Variants in GK5 observed in about 807,000 individuals in gnomAD.
The protein encoded by GK5 is ATP:glycerol 3-phosphotransferase 5.
Under a neutral mutation model 77.3 loss-of-function variants are expected in GK5, and 39 were observed. That is an observed-to-expected ratio of 0.50 (90% CI 0.39 to 0.66). The LOEUF (loss-of-function observed/expected upper bound fraction) is 0.66, where lower values mean the gene tolerates loss of function less well. GK5 is among the 30% of genes least tolerant of loss of function. The pLI is 0.00. For synonymous variants in GK5, 211 were observed against 208.0 expected, an observed-to-expected ratio of 1.01 and a Z score of -0.13; for missense variants, 487 against 633.8, an observed-to-expected ratio of 0.77 and a Z score of 2.49.
intron 15 of GK5, among the ~76,000 whole-genome samples, chr3:142,168,586 C>CT (rs1224042632): frequency 1.3e-5 from 2 of 152,098 alleles, no homozygotes; most frequent in African/African-American, 2.4e-5. Context: ...TTAAAATACT[C>CT]TGAGTATCCT....
intron 3 of GK5, among the ~76,000 whole-genome samples, chr3:142,211,898 C>T (rs774640224): frequency 5.9e-5 from 9 of 152,200 alleles, no homozygotes; most frequent in Admixed American, 1.3e-4. Flanking sequence ...CACATTCACA[C>T]GTCCAAAACC....
chr3:142,192,851 A>G (rs1261263182), intron 5 of GK5, among the ~76,000 whole-genome samples: 2 of 152,186 alleles, frequency 1.3e-5, no homozygotes, highest in African/African-American at 4.8e-5. Context: ...ATGAGCTAAC[A>G]AGGCACAAAA....
intron 15 of GK5, among the ~76,000 whole-genome samples, 154 bp from the exon 16 acceptor site, chr3:142,165,924 C>G (rs913871082): frequency 6.6e-6 from 1 of 152,158 alleles, no homozygotes; most frequent in African/African-American, 2.4e-5. Flanking sequence ...TTTGTTAGAT[C>G]GATCATTCCT....
chr3:142,192,564 G>C (rs7349530), intron 5 of GK5, among the ~76,000 whole-genome samples: 7,940 of 152,202 alleles, frequency 0.052, 397 homozygotes, highest in African/African-American at 0.13. Context: ...GGGAGGTCGA[G>C]AGCAGCCTGG....
chr3:142,177,857 CTTTTTTTT>C (rs370889965), intron 11 of GK5, among the ~76,000 whole-genome samples: 3 of 128,204 alleles, frequency 2.3e-5, no homozygotes, highest in East Asian at 4.5e-4. Flanking sequence ...CGTTTTTTTT[CTTTTTTTT>C]TTTTTTTTTT....
chr3:142,211,628 T>C (rs2064189380), intron 3 of GK5, among the ~76,000 whole-genome samples: 1 of 152,116 alleles, frequency 6.6e-6, no homozygotes, highest in Non-Finnish European at 1.5e-5. Flanking sequence ...TCCATCTCTA[T>C]AAAAATTTTA....
At chr3:142,173,567 C>T (rs1187778881) in intron 12 of GK5, among the ~76,000 whole-genome samples, 1 of 151,948 alleles carries the variant, frequency 6.6e-6, no homozygotes, top group Non-Finnish European at 1.5e-5. Context: ...GCCTGTAGTC[C>T]CAGCTGCTCG....
At chr3:142,190,881 G>C (rs2063838688) in intron 5 of GK5, among the ~76,000 whole-genome samples, 1 of 151,994 alleles carries the variant, frequency 6.6e-6, no homozygotes, top group East Asian at 1.9e-4. Context: ...AAAAAATCTA[G>C]TCATTTGCAA....
chr3:142,209,000 T>C (rs551279718), intron 3 of GK5, among the ~76,000 whole-genome samples: 161 of 152,064 alleles, frequency 1.1e-3, no homozygotes, highest in Admixed American at 2.5e-3. Context: ...ATACAAAAAA[T>C]TAGCCGAGCG....
rs201923597 is a variant in GK5 at position 142,180,306 on chromosome 3, TC to T, written c.1048+1154del. ...CCTTTTGCTTTCCCTCTTTCTTTTT[TC>T]TTTTTTTTTTTTGAGACGGAGTTTT... On this transcript the variant is annotated intron_variant, in intron 11 of 15. Transcript: ENST00000392993. Among the ~76,000 whole-genome samples, 600 of 151,316 alleles carry T rather than the reference TC, an allele frequency of 4.0e-3. 27 individuals are homozygous for T. The South Asian group carries it at 0.067, about 17-fold the overall frequency.
intron 11 of GK5, among the ~76,000 whole-genome samples, chr3:142,178,840 T>A (rs989606013): frequency 5.3e-5 from 8 of 152,254 alleles, no homozygotes; most frequent in African/African-American, 1.9e-4. Context: ...AACAGATAAC[T>A]GCCAAATAGT....
chr3:142,209,290 A>G (rs2064158560), intron 3 of GK5, among the ~76,000 whole-genome samples: 1 of 152,220 alleles, frequency 6.6e-6, no homozygotes, highest in Non-Finnish European at 1.5e-5. Context: ...GAACATTCCC[A>G]ACAAAATGTG....
intron 1 of GK5, among the ~76,000 whole-genome samples, chr3:142,216,892 T>C (rs1242323653): frequency 1.3e-5 from 2 of 152,108 alleles, no homozygotes; most frequent in Admixed American, 6.6e-5. Flanking sequence ...AAATCTGACA[T>C]TGAAACTGCA....
chr3:142,198,164 T>A (rs906214794), intron 5 of GK5, among the ~76,000 whole-genome samples: 1 of 152,046 alleles, frequency 6.6e-6, no homozygotes, highest in Non-Finnish European at 1.5e-5. Context: ...CAAATGTACA[T>A]GAATAGAATA....
At chr3:142,186,424 T>C in intron 7 of GK5, 28 bp downstream of exon 7, 5 of 1,325,898 alleles carry the variant, frequency 3.8e-6, no homozygotes, top group Non-Finnish European at 5.2e-6. Context: ...AAATGTGTGA[T>C]TCAAAAAGAA....
intron 10 of GK5, 97 bp downstream of exon 10, chr3:142,182,826 A>G (rs529287720): frequency 2.6e-6 from 2 of 761,358 alleles, no homozygotes; most frequent in East Asian, 2.7e-5. Flanking sequence ...ATGTTAGAGA[A>G]TATCACAAAA....
chr3:142,189,902 T>A (rs913379867), intron 5 of GK5, among the ~76,000 whole-genome samples: 4 of 152,110 alleles, frequency 2.6e-5, no homozygotes, highest in Non-Finnish European at 1.5e-5. Flanking sequence ...CTACACAGAA[T>A]TTTACAAATA....
chr3:142,211,989 A>G (rs2064194186), intron 3 of GK5, among the ~76,000 whole-genome samples: 1 of 152,178 alleles, frequency 6.6e-6, no homozygotes, highest in South Asian at 2.1e-4. Flanking sequence ...GATTTCTATC[A>G]TACAGCCCAA....
At chr3:142,198,969 T>G in intron 4 of GK5, 36 bp from the exon 5 acceptor site, 1 of 1,495,426 alleles carries the variant, frequency 6.7e-7, no homozygotes, top group Non-Finnish European at 9.1e-7. Flanking sequence ...GAAAATGCAT[T>G]TAGTAGTGTT....
Sources: gnomAD v4.1 joint callset for allele counts (sites outside exome capture counted in the v4.1 genomes callset) on GRCh38, gnomAD v4.1.1 for gene constraint, MANE v1.5 for transcripts, NCBI Gene and HGNC (gene_info 2026-07-23, HGNC 2026-07-21) for gene names.